The following USP12 variants were observed in gnomAD, a reference collection of about 807,000 sequenced individuals.
USP12 encodes ubiquitin specific peptidase 12.
A neutral mutation model predicts 45.5 loss-of-function variants in USP12; 19 were observed. The observed-to-expected ratio is 0.42, with a 90% CI of 0.29 to 0.61. The LOEUF is 0.61. Among genes scored for constraint, USP12 ranks in the 20% least tolerant of loss-of-function variants. The probability of loss-of-function intolerance (pLI) is 0.22; values close to 1 mark genes in which losing one functional copy is unlikely to be tolerated. For missense variants in USP12, 242 were observed against 447.7 expected, an observed-to-expected ratio of 0.54 and a Z score of 4.15; for synonymous variants, 149 against 148.8, an observed-to-expected ratio of 1.00 and a Z score of -0.01.
intron 1 of USP12, among the ~76,000 whole-genome samples, chr13:27,150,641 TG>T (rs1185460710): frequency 2.0e-5 from 3 of 152,174 alleles, no homozygotes; most frequent in South Asian, 2.1e-4. Context: ...AATGATCACT[TG>T]AGTCCAGGAG....
intron 1 of USP12, among the ~76,000 whole-genome samples, chr13:27,136,698 C>T (rs1442292253): frequency 2.6e-5 from 4 of 152,088 alleles, no homozygotes; most frequent in African/African-American, 4.8e-5. Flanking sequence ...TGACTACCCA[C>T]AAGGCACCAC....
At chr13:27,156,056 G>A (rs1422472167) in intron 1 of USP12, among the ~76,000 whole-genome samples, 1 of 152,134 alleles carries the variant, frequency 6.6e-6, no homozygotes, top group Non-Finnish European at 1.5e-5. Flanking sequence ...ATCAACAGTT[G>A]CTAAAAACCA....
chr13:27,096,502 CGT>C (rs1430955977), intron 3 of USP12, among the ~76,000 whole-genome samples: 1 of 152,144 alleles, frequency 6.6e-6, no homozygotes, highest in Non-Finnish European at 1.5e-5. Flanking sequence ...TAACATCAAG[CGT>C]GCTTTACCCT....
chr13:27,127,976 AT>A (rs1478447410), intron 1 of USP12, among the ~76,000 whole-genome samples: 1 of 152,178 alleles, frequency 6.6e-6, no homozygotes, highest in Non-Finnish European at 1.5e-5. Context: ...TAGAAACTCA[AT>A]GTTCCTATTA....
rs1876415254 is a variant in USP12 at position 27,129,915 on chromosome 13, T to C, written c.49-13319A>G. Among the ~76,000 whole-genome samples, 1 of 151,922 alleles carries C rather than the reference T, an allele frequency of 6.6e-6. No homozygotes were observed. Among genetic ancestry groups the C allele is most frequent in the South Asian group, 2.1e-4 (1 of 4,828 alleles). On this transcript the variant is annotated intron_variant, in intron 1 of 8. Coordinates refer to ENST00000282344, the MANE Select transcript of USP12 (RefSeq NM_182488.4). The surrounding 1 kb of genome is among the most constrained non-coding windows in gnomAD (Gnocchi z 4.0). ...CGAGTGGAGTGACCAACATGAAAAA[T>C]GGCAGAGTAGAAAGCTCCCAGGGTT...
chr13:27,134,886 T>G (rs1480434408), intron 1 of USP12, among the ~76,000 whole-genome samples: 1 of 152,202 alleles, frequency 6.6e-6, no homozygotes, highest in Non-Finnish European at 1.5e-5. Flanking sequence ...AAAAATGAAT[T>G]TTAAAGTGCC....
chr13:27,135,899 C>T (rs1324871208), intron 1 of USP12, among the ~76,000 whole-genome samples: 3 of 152,032 alleles, frequency 2.0e-5, no homozygotes, highest in East Asian at 1.9e-4. Context: ...TTAAAATATC[C>T]CATCCCAAAA....
intron 4 of USP12, among the ~76,000 whole-genome samples, chr13:27,094,269 T>C (rs1485702670): frequency 1.3e-5 from 2 of 151,476 alleles, no homozygotes; most frequent in South Asian, 2.1e-4. Flanking sequence ...TCTGGGAGGC[T>C]GAGGCAGGTG....
intron 1 of USP12, among the ~76,000 whole-genome samples, chr13:27,155,234 A>C (rs1360285489): frequency 6.6e-6 from 1 of 151,842 alleles, no homozygotes; most frequent in Non-Finnish European, 1.5e-5. Context: ...GGCGCGTGCC[A>C]CCATGCCCGG....
At chr13:27,112,725 T>C (rs1204403771) in intron 2 of USP12, among the ~76,000 whole-genome samples, 2 of 152,202 alleles carry the variant, frequency 1.3e-5, no homozygotes, top group Admixed American at 1.3e-4. Flanking sequence ...TTTGACATCA[T>C]GGAACTTGAA....
chr13:27,069,352 G>C lies in USP12; in HGVS notation c.1044C>G (p.Tyr348Ter). ...KIDAQAIEEF[Y>*]GLTSDISKNS... is the part of the protein sequence containing the mutation. Reference sequence around the variant, plus strand: ...TCTTTGAGATATCTGATGTCAACCCGTAGAATTCTTCAATAGCTTGTGCAT... The same window carrying C: ...TCTTTGAGATATCTGATGTCAACCCCTAGAATTCTTCAATAGCTTGTGCAT... Residue 348 changes from tyrosine to a stop codon, truncating the protein, a stop_gained, in exon 9 of 9, where the codon TAC becomes TAG. Coordinates refer to ENST00000282344, the MANE Select transcript of USP12 (RefSeq NM_182488.4). LOFTEE classifies it high-confidence loss of function. 6.2e-7 allele frequency: 1 copy of C among 1,613,060 alleles called. No individual in the cohort carries two copies. Among genetic ancestry groups the C allele is most frequent in the Non-Finnish European group, 8.5e-7 (1 of 1,179,756 alleles).
chr13:27,072,006 T>C (rs1043235489), intron 7 of USP12, among the ~76,000 whole-genome samples: 2 of 152,172 alleles, frequency 1.3e-5, no homozygotes, highest in Non-Finnish European at 2.9e-5. Context: ...GACCAGATAT[T>C]AGAATAAGCC....
At chr13:27,100,471 C>T (rs1245894580) in intron 3 of USP12, among the ~76,000 whole-genome samples, 2 of 152,192 alleles carry the variant, frequency 1.3e-5, no homozygotes, top group Non-Finnish European at 2.9e-5. Flanking sequence ...TACAGCCATA[C>T]TATGACCCTC....
chr13:27,132,061 T>C (rs910938880), intron 1 of USP12, among the ~76,000 whole-genome samples: 1 of 152,228 alleles, frequency 6.6e-6, no homozygotes, highest in Non-Finnish European at 1.5e-5. Context: ...AATTCTCATA[T>C]AGCACGTAAG....
intron 6 of USP12, among the ~76,000 whole-genome samples, chr13:27,086,190 AAAAAAAAATAT>A (rs1341393081): frequency 2.3e-4 from 19 of 82,562 alleles, no homozygotes; most frequent in Admixed American, 8.1e-4. Context: ...AAAAAAAAAA[AAAAAAAAATAT>A]ATATATATAT....
intron 2 of USP12, among the ~76,000 whole-genome samples, chr13:27,112,800 T>A (rs1324196613): frequency 6.6e-6 from 1 of 152,202 alleles, no homozygotes; most frequent in Non-Finnish European, 1.5e-5. Context: ...ATGTTAAGAA[T>A]AATGCTTAGT....
chr13:27,169,579 T>G (rs894660226), intron 1 of USP12, among the ~76,000 whole-genome samples: 1 of 152,216 alleles, frequency 6.6e-6, no homozygotes, highest in Admixed American at 6.5e-5. Context: ...AGGCATTTTC[T>G]GTATTTGCCA....
At chr13:27,155,228 C>A (rs1014547996) in intron 1 of USP12, among the ~76,000 whole-genome samples, 2 of 151,672 alleles carry the variant, frequency 1.3e-5, no homozygotes, top group Admixed American at 1.3e-4. Flanking sequence ...ACTACAGGCG[C>A]GTGCCACCAT....
chr13:27,117,220 C>T (rs769433421), intron 1 of USP12, among the ~76,000 whole-genome samples: 7 of 152,162 alleles, frequency 4.6e-5, no homozygotes, highest in Non-Finnish European at 8.8e-5. Context: ...ACATTCATAA[C>T]ATGTTCTTTT....
Sources: allele counts gnomAD v4.1 joint callset (sites outside exome capture counted in the v4.1 genomes callset), GRCh38; gene constraint gnomAD v4.1.1; non-coding constraint Gnocchi (gnomAD v3.1); transcripts MANE v1.5; gene names NCBI Gene and HGNC (gene_info 2026-07-23, HGNC 2026-07-21).